The following CCDC148 variants were observed in gnomAD, a reference collection of about 807,000 sequenced individuals.
CCDC148 encodes coiled-coil domain containing 148.
CCDC148 carries 89 observed loss-of-function variants against 85.7 expected under a neutral mutation model. The ratio of observed to expected loss-of-function variants is 1.04; its 90% CI spans 0.87 to 1.24. CCDC148 has a LOEUF of 1.24. Among genes scored for constraint, CCDC148 ranks in the 50% most tolerant of loss-of-function variants. The probability of loss-of-function intolerance (pLI) is 0.00; values close to 1 mark genes in which losing one functional copy is unlikely to be tolerated. For missense variants in CCDC148, 692 were observed against 671.7 expected (o/e 1.03, Z -0.33); for synonymous variants, 230 against 213.9 (o/e 1.08, Z -0.66).
intron 9 of CCDC148, among the ~76,000 whole-genome samples, chr2:158,294,288 C>T (rs1691065498): frequency 6.6e-6 from 1 of 151,962 alleles, no homozygotes; most frequent in African/African-American, 2.4e-5. Flanking sequence ...GAGTAATATT[C>T]CATTGTATGG....
At chr2:158,265,105 G>A (rs1165725541) in intron 9 of CCDC148, among the ~76,000 whole-genome samples, 2 of 151,946 alleles carry the variant, frequency 1.3e-5, no homozygotes, top group Non-Finnish European at 2.9e-5. Flanking sequence ...ATTCACCCAA[G>A]GAGACAGCTC....
chr2:158,422,937 A>G (rs372601747), intron 1 of CCDC148, among the ~76,000 whole-genome samples: 36 of 151,464 alleles, frequency 2.4e-4, no homozygotes, highest in African/African-American at 8.5e-4. Flanking sequence ...CTATACACCA[A>G]TAACAAACAG....
intron 10 of CCDC148, among the ~76,000 whole-genome samples, chr2:158,228,554 A>G (rs571876098): frequency 1.6e-4 from 24 of 152,284 alleles, no homozygotes; most frequent in African/African-American, 5.8e-4. Context: ...ACTTGGAACC[A>G]ACCCAAATGT....
intron 1 of CCDC148, among the ~76,000 whole-genome samples, chr2:158,381,495 G>A (rs1421960680): frequency 6.6e-6 from 1 of 152,140 alleles, no homozygotes; most frequent in African/African-American, 2.4e-5. Flanking sequence ...GGAGCAACCA[G>A]AGCGTTCACA....
intron 9 of CCDC148, among the ~76,000 whole-genome samples, chr2:158,278,219 G>C (rs1188518710): frequency 6.6e-6 from 1 of 152,144 alleles, no homozygotes; most frequent in Non-Finnish European, 1.5e-5. Context: ...GGTGATTTCT[G>C]CATTTCCATC....
chr2:158,243,236 T>C (rs372935236), intron 10 of CCDC148, among the ~76,000 whole-genome samples: 40 of 152,230 alleles, frequency 2.6e-4, no homozygotes, highest in African/African-American at 8.9e-4. Context: ...CTCTAATACC[T>C]GGGCTATTAA....
chr2:158,339,187 A>C, intron 5 of CCDC148, 102 bp from the exon 6 acceptor site: 1 of 896,724 alleles, frequency 1.1e-6, no homozygotes, highest in Non-Finnish European at 1.8e-6. Context: ...TCAGTGATGA[A>C]GTTTAAAGAC....
intron 1 of CCDC148, among the ~76,000 whole-genome samples, chr2:158,388,370 G>C (rs1480322236): frequency 6.6e-6 from 1 of 152,208 alleles, no homozygotes; most frequent in African/African-American, 2.4e-5. Context: ...AGGGAGGAAA[G>C]GGTCACAGTA....
chr2:158,425,827 T>C (rs1013309401), intron 1 of CCDC148, among the ~76,000 whole-genome samples: 1 of 152,150 alleles, frequency 6.6e-6, no homozygotes, highest in Non-Finnish European at 1.5e-5. Context: ...TTTTCCCCTC[T>C]GGATATCTGA....
chr2:158,263,215 T>C (rs1465797280), intron 9 of CCDC148, among the ~76,000 whole-genome samples: 1 of 152,056 alleles, frequency 6.6e-6, no homozygotes, highest in Non-Finnish European at 1.5e-5. Context: ...GACTCTACTT[T>C]AGGGCATGTA....
At chr2:158,387,054 C>T (rs572321607) in intron 1 of CCDC148, among the ~76,000 whole-genome samples, 3 of 152,080 alleles carry the variant, frequency 2.0e-5, no homozygotes, top group Non-Finnish European at 4.4e-5. Flanking sequence ...CTTTTGAAAC[C>T]TTTCTTTGAA....
At chr2:158,441,326 C>G (rs1574828527) in intron 1 of CCDC148, among the ~76,000 whole-genome samples, 2 of 151,810 alleles carry the variant, frequency 1.3e-5, no homozygotes, top group Middle Eastern at 6.8e-3. Flanking sequence ...ACTATGAAAC[C>G]CTAAATGAAA....
intron 7 of CCDC148, among the ~76,000 whole-genome samples, chr2:158,329,793 T>A (rs191401002): frequency 6.6e-6 from 1 of 152,202 alleles, no homozygotes; most frequent in Admixed American, 6.5e-5. Flanking sequence ...GAGTTACTCA[T>A]GATTTGGTTC....
intron 1 of CCDC148, among the ~76,000 whole-genome samples, chr2:158,400,106 T>C (rs1458060308): frequency 6.6e-6 from 1 of 151,988 alleles, no homozygotes; most frequent in Non-Finnish European, 1.5e-5. Flanking sequence ...ATAGGAAGAA[T>C]CAATATCGTG....
intron 9 of CCDC148, 51 bp from the exon 10 acceptor site, chr2:158,250,963 T>C (rs752872143): frequency 6.6e-7 from 1 of 1,524,336 alleles, no homozygotes; most frequent in Non-Finnish European, 8.8e-7. Flanking sequence ...ACTGAAGTTA[T>C]TTCATAGGTC....
At chr2:158,287,170 C>T (rs1690665511) in intron 9 of CCDC148, among the ~76,000 whole-genome samples, 1 of 152,148 alleles carries the variant, frequency 6.6e-6, no homozygotes, top group South Asian at 2.1e-4. Context: ...GATTGAATTA[C>T]CTCCTACTGG....
At chr2:158,190,941 G>A (rs1685395439) in intron 11 of CCDC148, among the ~76,000 whole-genome samples, 1 of 152,038 alleles carries the variant, frequency 6.6e-6, no homozygotes, top group African/African-American at 2.4e-5. Flanking sequence ...AAGAGGCATT[G>A]CTTTAGTATT....
chr2:158,430,215 C>T (rs1318412803), intron 1 of CCDC148, among the ~76,000 whole-genome samples: 1 of 152,156 alleles, frequency 6.6e-6, no homozygotes, highest in Non-Finnish European at 1.5e-5. Context: ...CAATCATTCA[C>T]AGTAGGGACC....
intron 1 of CCDC148, among the ~76,000 whole-genome samples, chr2:158,445,972 AAT>A (rs1688140166): frequency 6.6e-6 from 1 of 152,234 alleles, no homozygotes; most frequent in African/African-American, 2.4e-5. Flanking sequence ...GGCTTTAATG[AAT>A]ATAGTCATTA....
Sources: gnomAD v4.1 joint callset for allele counts (sites outside exome capture counted in the v4.1 genomes callset) on GRCh38, gnomAD v4.1.1 for gene constraint, MANE v1.5 for transcripts, NCBI Gene and HGNC (gene_info 2026-07-23, HGNC 2026-07-21) for gene names.